CDC14A: variants seen among roughly 807,000 people sequenced by gnomAD.
CDC14A encodes the protein cell division cycle 14A, also known as dual specificity protein phosphatase CDC14A.
A neutral mutation model predicts 74.4 loss-of-function variants in CDC14A; 53 were observed. The ratio of observed to expected loss-of-function variants is 0.71; its 90% CI spans 0.57 to 0.89. The LOEUF is 0.89. CDC14A is among the 40% of genes least tolerant of loss of function. CDC14A has a pLI of 0.00. For missense variants in CDC14A, 646 were observed against 713.7 expected (o/e 0.91, Z 1.08); for synonymous variants, 247 against 258.4 (o/e 0.96, Z 0.43).
Position 100,467,980 on chromosome 1 carries a change from T to A in CDC14A, c.863T>A (p.Leu288Ter). Residue 288 changes from leucine (L) to a stop codon, truncating the protein, a stop_gained, in exon 10 of 16, where the codon TTG becomes TAG. Transcript: ENST00000336454. LOFTEE classifies it high-confidence loss of function. ...GCTGGTCTTGGAAGAACAGGGACAT[T>A]GATAGCCTGTTATGTAATGAAACAC... ...CKAGLGRTGT[L>*]IACYVMKHYR... 6.2e-7 allele frequency: 1 copy of A among 1,606,284 alleles called. No individual in the cohort carries two copies. Among genetic ancestry groups the A allele is most frequent in the Non-Finnish European group, 8.5e-7 (1 of 1,177,512 alleles).
intron 11 of CDC14A, among the ~76,000 whole-genome samples, chr1:100,493,112 G>C (rs753765041): frequency 6.6e-6 from 1 of 152,122 alleles, no homozygotes; most frequent in African/African-American, 2.4e-5. Flanking sequence ...TAGAATTACA[G>C]GTTGAGAATC....
Position 100,390,348 on chromosome 1 carries a change from T to C in CDC14A, c.217-384T>C, listed in dbSNP as rs529363276. Among the ~76,000 whole-genome samples the C allele has an allele frequency of 2.0e-5, 3 of 152,306 alleles. No homozygotes were observed. In the South Asian group the frequency reaches 6.2e-4, roughly 32 times the overall value. On this transcript the variant is annotated intron_variant, in intron 3 of 15. Coordinates refer to ENST00000336454, the MANE Select transcript of CDC14A (RefSeq NM_003672.4). The stretch of plus-strand genomic sequence containing the variant: ...TTAAAAAATTGTGTTATATGAAAAC[T>C]ATAGATAATATTCCTGGGAGTTGGA...
chr1:100,513,789 A>G (rs1019186303), intron 15 of CDC14A, among the ~76,000 whole-genome samples: 2 of 152,176 alleles, frequency 1.3e-5, no homozygotes, highest in Non-Finnish European at 2.9e-5. Context: ...ACAGATTAGT[A>G]GCAGATTTCC....
chr1:100,472,813 C>T (rs1049162478), intron 10 of CDC14A, among the ~76,000 whole-genome samples: 6 of 151,764 alleles, frequency 4.0e-5, no homozygotes, highest in Admixed American at 3.9e-4. Context: ...GTACCATTTT[C>T]GTTGAAAATT....
intron 8 of CDC14A, among the ~76,000 whole-genome samples, chr1:100,459,099 A>ACT (rs1180651509): frequency 2.5e-5 from 3 of 120,174 alleles, no homozygotes; most frequent in African/African-American, 9.8e-5. Flanking sequence ...ACACACACAC[A>ACT]CGCACACACA....
At chr1:100,374,937 G>T (rs769467342) in intron 2 of CDC14A, among the ~76,000 whole-genome samples, 16 of 152,190 alleles carry the variant, frequency 1.1e-4, no homozygotes, top group Admixed American at 6.5e-4. Flanking sequence ...CTAATCATAA[G>T]TATATGATAC....
rs914622419 is a variant in CDC14A, at chr1:100,496,140, G to T, written c.1298+91G>T. On this transcript the variant is annotated intron_variant, in intron 13 of 15. Transcript: ENST00000336454. ...CAAGCCTCAAACACGAAAATCAACTGTACACAGCTTTTTGCTTTTTAAATT... is the reference window on the plus strand; with the variant it reads ...CAAGCCTCAAACACGAAAATCAACTTTACACAGCTTTTTGCTTTTTAAATT... 5.9e-6 allele frequency: 6 copies of T among 1,025,028 alleles called. No homozygotes were observed. In the Admixed American group the frequency reaches 9.7e-5, roughly 16 times the overall value. 63.5% of individuals were successfully genotyped at this position (1,025,028 alleles called of 1,614,324 possible).
chr1:100,372,588 C>T (rs1654632888), intron 2 of CDC14A, among the ~76,000 whole-genome samples: 1 of 152,168 alleles, frequency 6.6e-6, no homozygotes, highest in Non-Finnish European at 1.5e-5. Context: ...AGAAGCAACT[C>T]ATCATTCAAG....
rs1192495624 is a variant in CDC14A, at chr1:100,484,301, A to G, written c.987A>G (p.Ala329=). The G allele has an allele frequency of 3.8e-6, 6 of 1,561,142 alleles. No individual in the cohort carries two copies. In the South Asian group the frequency reaches 7.3e-5, roughly 19 times the overall value. ...PQQHFLEEKQ[A]SLWVQGDIFR... is the part of the protein sequence containing the mutation. ...TTTGTTTTTTATACAGAAAACAAGC[A>G]TCGTTGTGGGTCCAAGGAGACATTT... is the stretch of plus-strand genomic sequence containing the variant. The change falls in exon 11 of 16, where the codon GCA becomes GCG. Residue 329 remains alanine (A), a synonymous_variant. Transcript: ENST00000336454.
At chr1:100,440,507 A>G (rs1469040015) in intron 6 of CDC14A, among the ~76,000 whole-genome samples, 1 of 152,212 alleles carries the variant, frequency 6.6e-6, no homozygotes, top group Admixed American at 6.5e-5. Flanking sequence ...ATAATGGAGA[A>G]GTTAAACTAG....
intron 10 of CDC14A, among the ~76,000 whole-genome samples, chr1:100,476,185 G>C (rs1277419132): frequency 6.6e-6 from 1 of 152,162 alleles, no homozygotes; most frequent in East Asian, 1.9e-4. Context: ...GGGCACGGTG[G>C]CTCATGCCTA....
At chr1:100,409,756 C>T (rs991506793) in intron 4 of CDC14A, among the ~76,000 whole-genome samples, 1 of 152,196 alleles carries the variant, frequency 6.6e-6, no homozygotes, top group Non-Finnish European at 1.5e-5. Context: ...TTGAAATCAA[C>T]TGCTTGTTAA....
chr1:100,470,371 A>T (rs1231468466), intron 10 of CDC14A, among the ~76,000 whole-genome samples: 1 of 152,022 alleles, frequency 6.6e-6, no homozygotes, highest in East Asian at 1.9e-4. Flanking sequence ...TTCCTGTAAG[A>T]TCAGGAACAA....
intron 10 of CDC14A, among the ~76,000 whole-genome samples, chr1:100,474,163 A>G (rs1486316404): frequency 2.0e-5 from 3 of 152,110 alleles, no homozygotes; most frequent in East Asian, 1.9e-4. Context: ...TGTTTTTTGT[A>G]TATTGAAGAA....
chr1:100,414,513 T>C (rs1020611543), intron 4 of CDC14A, among the ~76,000 whole-genome samples: 1 of 152,224 alleles, frequency 6.6e-6, no homozygotes, highest in Non-Finnish European at 1.5e-5. Flanking sequence ...CCTTGTAAAC[T>C]TGATCCAATT....
chr1:100,506,182 T>TTAA (rs1470845905), intron 15 of CDC14A, among the ~76,000 whole-genome samples: 1 of 152,212 alleles, frequency 6.6e-6, no homozygotes, highest in African/African-American at 2.4e-5. Context: ...TTAATTCATA[T>TTAA]TAATATTGTT....
chr1:100,484,331 A>G lies in CDC14A; in HGVS notation c.1017A>G (p.Arg339=). ...ASLWVQGDIF[R]SKLKNRPSSE... is the part of the protein sequence containing the mutation. ...TGTGGGTCCAAGGAGACATTTTCCGATCCAAACTGAAAAATCGACCATCCA... is the reference window on the plus strand; with the variant it reads ...TGTGGGTCCAAGGAGACATTTTCCGGTCCAAACTGAAAAATCGACCATCCA... Residue 339 remains arginine (R), a synonymous_variant, in exon 11 of 16, where the codon CGA becomes CGG. Coordinates refer to ENST00000336454, the MANE Select transcript of CDC14A (RefSeq NM_003672.4). 2 of 1,601,960 alleles carry G rather than the reference A, an allele frequency of 1.2e-6. No homozygotes were observed. Among genetic ancestry groups the G allele is most frequent in the Non-Finnish European group, 1.7e-6 (2 of 1,174,502 alleles).
intron 2 of CDC14A, among the ~76,000 whole-genome samples, chr1:100,355,652 G>T (rs1451451601): frequency 6.6e-6 from 1 of 152,146 alleles, no homozygotes; most frequent in Non-Finnish European, 1.5e-5. Context: ...GGCAGAGTGT[G>T]TACTTTTCTT....
At chr1:100,445,374 A>C (rs1169695838) in intron 7 of CDC14A, among the ~76,000 whole-genome samples, 1 of 152,080 alleles carries the variant, frequency 6.6e-6, no homozygotes, top group African/African-American at 2.4e-5. Flanking sequence ...ATAATTTTTT[A>C]CTCTAAGATG....
Sources: allele counts gnomAD v4.1 joint callset (sites outside exome capture counted in the v4.1 genomes callset), GRCh38; gene constraint gnomAD v4.1.1; transcripts MANE v1.5; gene names NCBI Gene and HGNC (gene_info 2026-07-23, HGNC 2026-07-21).